The following KIAA1328 variants were observed in gnomAD, a reference collection of about 807,000 sequenced individuals.
The protein encoded by KIAA1328 is protein hinderin.
Under a neutral mutation model 68.1 loss-of-function variants are expected in KIAA1328, and 52 were observed. The observed-to-expected ratio is 0.76, with a 90% CI of 0.61 to 0.96. KIAA1328 has a LOEUF of 0.96. KIAA1328 is among the 40% of genes least tolerant of loss of function. The pLI is 0.00. For synonymous variants in KIAA1328, 232 were observed against 239.4 expected (o/e 0.97, Z 0.28); for missense variants, 641 against 677.6 (o/e 0.95, Z 0.60).
intron 6 of KIAA1328, among the ~76,000 whole-genome samples, chr18:37,044,612 A>G (rs1300935267): frequency 6.6e-6 from 1 of 152,018 alleles, no homozygotes; most frequent in Non-Finnish European, 1.5e-5. Flanking sequence ...CCTGGCCAAG[A>G]TGCTGAAACC....
intron 6 of KIAA1328, among the ~76,000 whole-genome samples, chr18:36,973,019 G>C (rs1165823432): frequency 6.6e-6 from 1 of 152,162 alleles, no homozygotes; most frequent in African/African-American, 2.4e-5. Context: ...CTGTAGAATG[G>C]ATTATTTTTA....
In KIAA1328 at chr18:36,835,262, A is replaced by G; in HGVS notation, c.123A>G (p.Ser41=). The G allele has an allele frequency of 1.2e-6, 2 of 1,612,512 alleles. No individual in the cohort carries two copies. The highest frequency in any genetic ancestry group is 1.7e-6 in the Non-Finnish European group (2 of 1,179,330). Reference sequence around the variant, plus strand: ...TTTCTGCTGAAGGAAATGTCAGATCAAGACACAAGCTGATGAGTCCAAAAG... The same window carrying G: ...TTTCTGCTGAAGGAAATGTCAGATCGAGACACAAGCTGATGAGTCCAAAAG... ...PGISAEGNVR[S]RHKLMSPKAD... Residue 41 remains serine, a synonymous_variant, in exon 3 of 10, where the codon TCA becomes TCG. Transcript: ENST00000280020.
chr18:37,214,924 G>T (rs1220779104), intron 9 of KIAA1328, among the ~76,000 whole-genome samples: 2 of 152,156 alleles, frequency 1.3e-5, no homozygotes, highest in Non-Finnish European at 2.9e-5. Flanking sequence ...TTGTGAATGG[G>T]AGTTCACTCA....
chr18:36,976,163 G>T (rs534991940), intron 6 of KIAA1328, among the ~76,000 whole-genome samples: 2 of 152,176 alleles, frequency 1.3e-5, no homozygotes, highest in Non-Finnish European at 2.9e-5. Context: ...TGACTGATGA[G>T]ACTGAGGAGA....
At chr18:37,173,166 C>A in intron 9 of KIAA1328, 85 bp downstream of exon 9, 1 of 952,732 alleles carries the variant, frequency 1.0e-6, no homozygotes, top group Non-Finnish European at 1.6e-6. Flanking sequence ...AGGGAAAAAT[C>A]TTGACAACTC....
intron 6 of KIAA1328, among the ~76,000 whole-genome samples, chr18:37,012,658 A>C (rs1424857794): frequency 6.6e-6 from 1 of 152,208 alleles, no homozygotes; most frequent in Non-Finnish European, 1.5e-5. Flanking sequence ...ATGGTATCTT[A>C]CACAGTAGAT....
intron 9 of KIAA1328, among the ~76,000 whole-genome samples, chr18:37,215,769 T>A (rs1023737331): frequency 6.6e-6 from 1 of 152,130 alleles, no homozygotes; most frequent in South Asian, 2.1e-4. Flanking sequence ...CTGTGAATCC[T>A]TCTGGTCCTG....
intron 8 of KIAA1328, among the ~76,000 whole-genome samples, chr18:37,161,208 T>C (rs1178606193): frequency 2.0e-5 from 3 of 152,182 alleles, no homozygotes; most frequent in Non-Finnish European, 4.4e-5. Context: ...CCTTTCTACC[T>C]CTGGTGTCAT....
chr18:37,098,286 C>T (rs1235198749), intron 7 of KIAA1328, among the ~76,000 whole-genome samples: 1 of 145,754 alleles, frequency 6.9e-6, no homozygotes, highest in Non-Finnish European at 1.5e-5. Flanking sequence ...AGCATGAAGC[C>T]TTGTTGAATT....
At chr18:36,843,864 G>A (rs1008027902) in intron 3 of KIAA1328, among the ~76,000 whole-genome samples, 4 of 152,112 alleles carry the variant, frequency 2.6e-5, no homozygotes, top group Non-Finnish European at 4.4e-5. Flanking sequence ...CTTAAGCAGC[G>A]TGGGGACTAT....
chr18:37,049,996 G>A (rs899127999), intron 6 of KIAA1328, among the ~76,000 whole-genome samples: 1 of 152,106 alleles, frequency 6.6e-6, no homozygotes, highest in African/African-American at 2.4e-5. Flanking sequence ...ATGTTTTCTA[G>A]AAAATGTATT....
chr18:37,160,602 T>G (rs9954053), intron 8 of KIAA1328, among the ~76,000 whole-genome samples: 1 of 152,192 alleles, frequency 6.6e-6, no homozygotes, highest in African/African-American at 2.4e-5. Context: ...AACTTGTCCC[T>G]CTTTTTGCAA....
intron 9 of KIAA1328, among the ~76,000 whole-genome samples, chr18:37,187,487 A>G (rs940180400): frequency 6.6e-6 from 1 of 152,200 alleles, no homozygotes; most frequent in Non-Finnish European, 1.5e-5. Context: ...ATACAGTTGC[A>G]TGTCTTGTAC....
At chr18:36,918,610 T>C (rs2049802033) in intron 5 of KIAA1328, among the ~76,000 whole-genome samples, 3 of 152,108 alleles carry the variant, frequency 2.0e-5, no homozygotes, top group Middle Eastern at 3.2e-3. Context: ...AGACGGGGTT[T>C]CACCATGTGG....
intron 7 of KIAA1328, among the ~76,000 whole-genome samples, chr18:37,097,790 A>G (rs1040340447): frequency 2.9e-4 from 44 of 152,266 alleles, no homozygotes; most frequent in African/African-American, 9.9e-4. Flanking sequence ...GGTCCTTCAC[A>G]TCCCTTGTAA....
chr18:36,858,074 G>A (rs2047439679), intron 4 of KIAA1328, among the ~76,000 whole-genome samples: 1 of 151,792 alleles, frequency 6.6e-6, no homozygotes, highest in Non-Finnish European at 1.5e-5. Flanking sequence ...TTTATATATG[G>A]TATACATATT....
chr18:37,200,537 C>T (rs532038900), intron 9 of KIAA1328, among the ~76,000 whole-genome samples: 40 of 152,190 alleles, frequency 2.6e-4, no homozygotes, highest in African/African-American at 4.8e-4. Flanking sequence ...GTCGGCCGGG[C>T]GCGGTGGCTC....
chr18:37,181,737 A>G (rs972647578), intron 9 of KIAA1328, among the ~76,000 whole-genome samples: 1 of 152,222 alleles, frequency 6.6e-6, no homozygotes, highest in Non-Finnish European at 1.5e-5. Context: ...TCACTGAGAT[A>G]GAATTCTACT....
intron 6 of KIAA1328, among the ~76,000 whole-genome samples, chr18:37,059,854 C>T (rs1373204276): frequency 6.6e-6 from 1 of 152,110 alleles, no homozygotes; most frequent in Non-Finnish European, 1.5e-5. Flanking sequence ...GAATACTATA[C>T]AGCCATAAAA....
Sources: allele counts gnomAD v4.1 joint callset (sites outside exome capture counted in the v4.1 genomes callset), GRCh38; gene constraint gnomAD v4.1.1; transcripts MANE v1.5; gene names NCBI Gene and HGNC (gene_info 2026-07-23, HGNC 2026-07-21).